The following STPG2 variants were observed in gnomAD, a reference collection of about 807,000 sequenced individuals.
STPG2 encodes the protein sperm tail PG-rich repeat containing 2, also known as sperm-tail PG-rich repeat-containing protein 2.
A neutral mutation model predicts 54.2 loss-of-function variants in STPG2; 56 were observed. That is an observed-to-expected ratio of 1.03 (90% CI 0.83 to 1.29). The LOEUF (loss-of-function observed/expected upper bound fraction) is 1.29. Among genes scored for constraint, STPG2 ranks in the 50% most tolerant of loss-of-function variants. STPG2 has a pLI of 0.00. For synonymous variants in STPG2, 200 were observed against 181.8 expected (o/e 1.10, Z -0.81); for missense variants, 596 against 544.9 (o/e 1.09, Z -0.93).
At chr4:97,759,264 AG>A (rs1479847903) in intron 9 of STPG2, among the ~76,000 whole-genome samples, 5 of 152,110 alleles carry the variant, frequency 3.3e-5, no homozygotes, top group Non-Finnish European at 5.9e-5. Flanking sequence ...AAAAATTGGG[AG>A]GACATCTTAA....
intron 3 of STPG2, among the ~76,000 whole-genome samples, chr4:98,127,631 G>A (rs550579758): frequency 6.6e-6 from 1 of 152,034 alleles, no homozygotes; most frequent in Non-Finnish European, 1.5e-5. Context: ...CCATAGGTTC[G>A]AAGTACTATG....
intron 8 of STPG2, among the ~76,000 whole-genome samples, chr4:97,910,918 G>C (rs375850878): frequency 1.3e-5 from 2 of 152,182 alleles, no homozygotes; most frequent in Admixed American, 1.3e-4. Context: ...GAACAAAAAT[G>C]GAAAGTGAAT....
intron 3 of STPG2, among the ~76,000 whole-genome samples, chr4:98,116,512 CT>C (rs1320967505): frequency 1.3e-5 from 2 of 151,902 alleles, no homozygotes; most frequent in Admixed American, 1.3e-4. Flanking sequence ...CATTACACTT[CT>C]TTGCATAACT....
Position 97,797,748 on chromosome 4 carries a change from T to A in STPG2, c.1204+43025A>T, listed in dbSNP as rs1206126182. Among the ~76,000 whole-genome samples the A allele has an allele frequency of 2.0e-5, 3 of 152,218 alleles. No homozygotes were observed. In the East Asian group the frequency reaches 5.8e-4, roughly 29 times the overall value. ...CTTCTTTTTCTATTGACTGGAATAG[T>A]TTCAGAAGGAATGGTACCAGCTCCT... On this transcript the variant is annotated intron_variant, in intron 9 of 10. Transcript: ENST00000295268.
At chr4:97,638,319 C>T (rs1721632407) in intron 10 of STPG2, among the ~76,000 whole-genome samples, 1 of 152,032 alleles carries the variant, frequency 6.6e-6, no homozygotes. Context: ...GGATCCCTTC[C>T]TTACACCTTA....
intron 10 of STPG2, among the ~76,000 whole-genome samples, chr4:97,631,795 G>A (rs956031715): frequency 2.5e-4 from 38 of 152,084 alleles, no homozygotes; most frequent in Admixed American, 1.8e-3. Context: ...AAATGGAGCT[G>A]AGCAGTACCA....
At chr4:97,448,157 G>A (rs1404693547) in intron 4 of STPG2, among the ~76,000 whole-genome samples, 1 of 152,154 alleles carries the variant, frequency 6.6e-6, no homozygotes, top group African/African-American at 2.4e-5. Context: ...CATTTATCCA[G>A]TGCTTGTCCC....
intron 10 of STPG2, among the ~76,000 whole-genome samples, chr4:97,578,617 G>T (rs1485397822): frequency 2.0e-5 from 3 of 148,826 alleles, no homozygotes; most frequent in African/African-American, 5.0e-5. Context: ...TTTTTTGCCA[G>T]AATTATTGGC....
intron 7 of STPG2, among the ~76,000 whole-genome samples, chr4:97,953,827 G>C (rs1291712208): frequency 1.3e-5 from 2 of 152,166 alleles, no homozygotes; most frequent in Non-Finnish European, 2.9e-5. Flanking sequence ...TTCTTTCAAA[G>C]GGTCTGTGAT....
At chr4:97,644,970 A>C (rs1394013570) in intron 10 of STPG2, among the ~76,000 whole-genome samples, 1 of 152,054 alleles carries the variant, frequency 6.6e-6, no homozygotes, top group Admixed American at 6.6e-5. Context: ...AATTGGATAA[A>C]GTGCACAAGC....
At chr4:97,472,070 TAAC>T (rs1008249580) in intron 4 of STPG2, among the ~76,000 whole-genome samples, 11 of 152,268 alleles carry the variant, frequency 7.2e-5, no homozygotes, top group Middle Eastern at 3.4e-3. Context: ...TCCTCCATCA[TAAC>T]AACAACTAGA....
intron 5 of STPG2, among the ~76,000 whole-genome samples, chr4:98,100,522 T>G (rs976376064): frequency 5.3e-5 from 8 of 152,086 alleles, no homozygotes; most frequent in African/African-American, 1.9e-4. Flanking sequence ...AAGGACTTAC[T>G]ACCTATAACT....
chr4:97,764,135 C>CAT, intron 9 of STPG2, among the ~76,000 whole-genome samples: 1 of 151,364 alleles, frequency 6.6e-6, no homozygotes, highest in African/African-American at 2.4e-5. Flanking sequence ...CACACACACA[C>CAT]ACACACAGAG....
chr4:97,540,581 T>C (rs1731671388), intron 4 of STPG2, among the ~76,000 whole-genome samples: 1 of 152,168 alleles, frequency 6.6e-6, no homozygotes, highest in South Asian at 2.1e-4. Flanking sequence ...TCTGAAACTA[T>C]TCCAATCAAT....
At chr4:98,134,139 T>TAGAA (rs1553945257) in intron 2 of STPG2, among the ~76,000 whole-genome samples, 2 of 152,004 alleles carry the variant, frequency 1.3e-5, no homozygotes, top group Non-Finnish European at 2.9e-5. Context: ...TTGTGTCTTA[T>TAGAA]AGAATATGTA....
intron 4 of STPG2, among the ~76,000 whole-genome samples, chr4:97,499,090 TAA>T (rs1213685092): frequency 6.6e-6 from 1 of 151,972 alleles, no homozygotes; most frequent in East Asian, 1.9e-4. Flanking sequence ...AAAATCAGGA[TAA>T]GTCTAACTAC....
intron 3 of STPG2, among the ~76,000 whole-genome samples, chr4:98,112,963 A>T (rs1739405198): frequency 6.6e-6 from 1 of 151,992 alleles, no homozygotes; most frequent in Middle Eastern, 3.2e-3. Flanking sequence ...TAACACAGAC[A>T]ATCCTCAATG....
intron 10 of STPG2, among the ~76,000 whole-genome samples, chr4:97,666,243 ATGCAGCCC>A (rs1722521226): frequency 1.3e-5 from 2 of 152,166 alleles, no homozygotes; most frequent in African/African-American, 4.8e-5. Flanking sequence ...TCCATGAACC[ATGCAGCCC>A]CTGCTACTCC....
intron 9 of STPG2, among the ~76,000 whole-genome samples, chr4:97,751,244 C>A (rs1725573175): frequency 6.6e-6 from 1 of 151,754 alleles, no homozygotes; most frequent in South Asian, 2.1e-4. Flanking sequence ...CTGGATTTTG[C>A]CCCATTTCCC....
Sources: allele counts gnomAD v4.1 joint callset (sites outside exome capture counted in the v4.1 genomes callset), GRCh38; gene constraint gnomAD v4.1.1; transcripts MANE v1.5; gene names NCBI Gene and HGNC (gene_info 2026-07-23, HGNC 2026-07-21).